Variants in ADGRB3 observed in about 807,000 individuals in gnomAD.
The protein encoded by ADGRB3 is brain-specific angiogenesis inhibitor 3.
ADGRB3 carries 37 observed loss-of-function variants against 193.4 expected under a neutral mutation model. That is an observed-to-expected ratio of 0.19 (90% confidence interval 0.15 to 0.25). The LOEUF is 0.25. Ranked by LOEUF, ADGRB3 falls within the 10% of genes least tolerant of loss-of-function variation. ADGRB3 has a pLI of 1.00. For synonymous variants in ADGRB3, 690 were observed against 644.2 expected (o/e 1.07, Z -1.08); for missense variants, 1,637 against 1,852.9 (o/e 0.88, Z 2.14).
At chr6:68,664,588 A>G (rs1768753607) in intron 3 of ADGRB3, among the ~76,000 whole-genome samples, 1 of 151,798 alleles carries the variant, frequency 6.6e-6, no homozygotes, top group South Asian at 2.1e-4. Context: ...TGAGAAATAC[A>G]TTTCCTTTGT....
At chr6:68,830,411 T>A (rs967792500) in intron 3 of ADGRB3, among the ~76,000 whole-genome samples, 3 of 152,182 alleles carry the variant, frequency 2.0e-5, no homozygotes, top group Non-Finnish European at 4.4e-5. Flanking sequence ...AAAAGCAATA[T>A]ATAGAACTTG....
rs1768715940 is a variant in ADGRB3, at chr6:68,975,453, A to C, written c.1734+113A>C. 3.1e-5 allele frequency: 24 copies of C among 767,300 alleles called. 1 individual carries two copies. The South Asian group carries it at 4.1e-4, about 13-fold the overall frequency. 47.5% of individuals were successfully genotyped at this position (767,300 alleles called of 1,614,324 possible). A position where few individuals can be genotyped will look rare whatever the true frequency, so the allele number is the denominator to read the frequency against. Reference sequence around the variant, plus strand: ...AAATCAGTAACATCTCTAAAAAAGAAATGCCTGAAGGAGAAAGCAATGTGA... The same window carrying C: ...AAATCAGTAACATCTCTAAAAAAGACATGCCTGAAGGAGAAAGCAATGTGA... On this transcript the variant is annotated intron_variant, in intron 10 of 31. Coordinates refer to ENST00000370598, the MANE Select transcript of ADGRB3 (RefSeq NM_001704.3).
At chr6:68,670,398 G>A (rs1431280667) in intron 3 of ADGRB3, among the ~76,000 whole-genome samples, 1 of 151,902 alleles carries the variant, frequency 6.6e-6, no homozygotes, top group African/African-American at 2.4e-5. Flanking sequence ...TTCATAGTTT[G>A]AGGTCTTAGA....
chr6:68,795,898 C>A (rs1210091681), intron 3 of ADGRB3, among the ~76,000 whole-genome samples: 1 of 152,022 alleles, frequency 6.6e-6, no homozygotes, highest in Non-Finnish European at 1.5e-5. Context: ...GACTGGCTTG[C>A]AGACTTCATA....
intron 17 of ADGRB3, among the ~76,000 whole-genome samples, chr6:69,097,588 A>G (rs1382360813): frequency 5.3e-5 from 8 of 152,152 alleles, no homozygotes; most frequent in Admixed American, 1.3e-4. Flanking sequence ...CACTAACATA[A>G]CCACATGTTT....
At chr6:68,787,730 T>C (rs1009851345) in intron 3 of ADGRB3, among the ~76,000 whole-genome samples, 6 of 152,366 alleles carry the variant, frequency 3.9e-5, no homozygotes, top group Middle Eastern at 3.4e-3. Context: ...GAAAGAATGC[T>C]ACCAGCTCCT....
At chr6:69,333,695 A>G (rs1768775714) in intron 24 of ADGRB3, among the ~76,000 whole-genome samples, 1 of 150,980 alleles carries the variant, frequency 6.6e-6, no homozygotes, top group South Asian at 2.1e-4. Flanking sequence ...GACACCTGTA[A>G]TCCCAGCACT....
intron 20 of ADGRB3, among the ~76,000 whole-genome samples, chr6:69,270,596 A>G (rs1037618603): frequency 4.6e-5 from 7 of 152,188 alleles, no homozygotes; most frequent in African/African-American, 1.7e-4. Context: ...ACTGAAGAGG[A>G]AATTAAAGTC....
intron 19 of ADGRB3, among the ~76,000 whole-genome samples, chr6:69,238,697 T>C (rs1459067802): frequency 6.6e-6 from 1 of 152,000 alleles, no homozygotes; most frequent in East Asian, 1.9e-4. Flanking sequence ...TTCTTTTTGG[T>C]TCTCAAAGTT....
chr6:69,126,855 A>G (rs552083649), intron 17 of ADGRB3, among the ~76,000 whole-genome samples: 1 of 152,358 alleles, frequency 6.6e-6, no homozygotes, highest in African/African-American at 2.4e-5. Context: ...AGGGAACTCT[A>G]TGATGACAAC....
At chr6:68,946,804 A>G (rs1284236928) in intron 6 of ADGRB3, among the ~76,000 whole-genome samples, 1 of 152,136 alleles carries the variant, frequency 6.6e-6, no homozygotes, top group East Asian at 1.9e-4. Flanking sequence ...TCCTGCTTTT[A>G]ATAAACTGCA....
intron 5 of ADGRB3, among the ~76,000 whole-genome samples, chr6:68,939,685 T>C (rs1203252162): frequency 1.3e-5 from 2 of 152,330 alleles, no homozygotes; most frequent in South Asian, 4.1e-4. Context: ...TATGTTATTA[T>C]TTGTTGTGCA....
At chr6:69,259,062 A>G (rs1265866176) in intron 20 of ADGRB3, among the ~76,000 whole-genome samples, 3 of 152,248 alleles carry the variant, frequency 2.0e-5, no homozygotes. Context: ...ATACCACAGC[A>G]ATATTATGAA....
intron 16 of ADGRB3, among the ~76,000 whole-genome samples, chr6:69,065,862 A>G (rs1296633431): frequency 6.6e-6 from 1 of 151,900 alleles, no homozygotes; most frequent in African/African-American, 2.4e-5. Context: ...ACCACAGATC[A>G]AAAATATTTG....
chr6:68,700,052 G>C (rs1765216591), intron 3 of ADGRB3, among the ~76,000 whole-genome samples: 1 of 152,092 alleles, frequency 6.6e-6, no homozygotes, highest in African/African-American at 2.4e-5. Flanking sequence ...AACTCCTCCA[G>C]GGTCGAGAGG....
At chr6:68,683,064 C>A (rs958413306) in intron 3 of ADGRB3, among the ~76,000 whole-genome samples, 1 of 152,048 alleles carries the variant, frequency 6.6e-6, no homozygotes, top group Non-Finnish European at 1.5e-5. Flanking sequence ...GGATTATAGG[C>A]ATGAGCCACC....
intron 3 of ADGRB3, among the ~76,000 whole-genome samples, chr6:68,798,434 C>G (rs1014915705): frequency 8.1e-5 from 12 of 148,564 alleles, no homozygotes; most frequent in Admixed American, 5.6e-4. Flanking sequence ...ACATTTAAAA[C>G]GTAAAGCTGT....
chr6:68,740,105 A>G (rs991541989), intron 3 of ADGRB3, among the ~76,000 whole-genome samples: 1 of 152,200 alleles, frequency 6.6e-6, no homozygotes, highest in African/African-American at 2.4e-5. Context: ...TTAGGCTTAT[A>G]TAACATTTTC....
intron 3 of ADGRB3, among the ~76,000 whole-genome samples, chr6:68,929,067 C>A (rs1341220247): frequency 6.6e-6 from 1 of 152,020 alleles, no homozygotes; most frequent in Non-Finnish European, 1.5e-5. Context: ...ACATACAGCA[C>A]ACATAACTGA....
Sources: allele counts gnomAD v4.1 joint callset (sites outside exome capture counted in the v4.1 genomes callset), GRCh38; gene constraint gnomAD v4.1.1; transcripts MANE v1.5; gene names NCBI Gene and HGNC (gene_info 2026-07-23, HGNC 2026-07-21).